The following REEP3 variants were observed in gnomAD, a reference collection of about 807,000 sequenced individuals.
REEP3 encodes receptor expression-enhancing protein 3.
Under a neutral mutation model 41.3 loss-of-function variants are expected in REEP3, and 20 were observed. The observed-to-expected ratio is 0.48, with a 90% CI of 0.34 to 0.70. REEP3 has a LOEUF of 0.70. REEP3 is among the 30% of genes least tolerant of loss of function. The pLI is 0.01. For missense variants in REEP3, 271 were observed against 308.8 expected (o/e 0.88, Z 0.92); for synonymous variants, 104 against 101.8 (o/e 1.02, Z -0.13).
intron 1 of REEP3, among the ~76,000 whole-genome samples, chr10:63,538,141 A>G (rs1248870479): frequency 6.6e-6 from 1 of 152,174 alleles, no homozygotes; most frequent in Non-Finnish European, 1.5e-5. Flanking sequence ...GAAATGTAGA[A>G]TAATATTCTT....
Position 63,619,747 on chromosome 10 carries a change from C to G in REEP3, c.658C>G (p.Leu220Val). The change falls in exon 7 of 8, where the codon CTT becomes GTT. Residue 220 changes from leucine (L) to valine (V), a missense_variant. By Grantham distance (32) the Leu-to-Val change is conservative. Coordinates refer to ENST00000373758, the MANE Select transcript of REEP3 (RefSeq NM_001001330.3). The stretch of plus-strand genomic sequence containing the variant: ...TAATGAGATGTTAACACACAAAGGG[C>G]TTCGAAGATCGCAAAGCATGAAATC... The part of the protein sequence containing the change: ...SDNEMLTHKG[L>V]RRSQSMKSVK... The G allele has an allele frequency of 6.2e-7, 1 of 1,609,546 alleles. No homozygotes were observed.
intron 2 of REEP3, among the ~76,000 whole-genome samples, chr10:63,592,672 T>C (rs1480630084): frequency 2.7e-5 from 4 of 146,986 alleles, no homozygotes; most frequent in Non-Finnish European, 6.0e-5. Context: ...AGGCAGATTG[T>C]CTGAGGTCAG....
intron 2 of REEP3, among the ~76,000 whole-genome samples, chr10:63,583,092 TCTC>T (rs1302492539): frequency 2.6e-5 from 4 of 152,134 alleles, no homozygotes; most frequent in Non-Finnish European, 5.9e-5. Context: ...TTCACGCCAT[TCTC>T]CTGCCTCAGC....
chr10:63,547,953 G>T (rs1955593640), intron 1 of REEP3, among the ~76,000 whole-genome samples: 2 of 152,166 alleles, frequency 1.3e-5, no homozygotes, highest in African/African-American at 4.8e-5. Context: ...TCTGTACAAA[G>T]AATGCCTATT....
chr10:63,582,460 G>T (rs1207869441), intron 2 of REEP3, among the ~76,000 whole-genome samples: 1 of 152,148 alleles, frequency 6.6e-6, no homozygotes, highest in East Asian at 1.9e-4. Context: ...GTGGCACTCA[G>T]GCAACCCTTC....
intron 2 of REEP3, among the ~76,000 whole-genome samples, chr10:63,584,430 TAAAAAA>T (rs71463528): frequency 2.3e-5 from 3 of 129,230 alleles, no homozygotes; most frequent in East Asian, 2.2e-4. Context: ...CCCATCTTTT[TAAAAAA>T]AAAAAAAAAA....
At chr10:63,555,522 TAC>T (rs1229407780) in intron 1 of REEP3, among the ~76,000 whole-genome samples, 1 of 152,188 alleles carries the variant, frequency 6.6e-6, no homozygotes, top group Non-Finnish European at 1.5e-5. Flanking sequence ...TATACACAGG[TAC>T]CTTGGTTATC....
At position 63,521,586 on chromosome 10, in the gene REEP3, C is replaced by A. The variant is rs1430099096; in HGVS notation, c.32+9C>A. The A allele has an allele frequency of 1.4e-6, 2 of 1,416,440 alleles. No homozygotes were observed. Among genetic ancestry groups the A allele is most frequent in the Admixed American group, 2.6e-5 (1 of 38,920 alleles). 87.7% of individuals were successfully genotyped at this position (1,416,440 alleles called of 1,614,324 possible). ...ATCTCCAGAGCCGTGGTGTAAGTGC[C>A]TCTCACTGCGCCCTGCAGCCGGCGC... On this transcript the variant is annotated intron_variant, in intron 1 of 7. Coordinates refer to ENST00000373758, the MANE Select transcript of REEP3 (RefSeq NM_001001330.3).
intron 6 of REEP3, among the ~76,000 whole-genome samples, chr10:63,610,796 C>T (rs1049489850): frequency 2.6e-5 from 4 of 152,252 alleles, no homozygotes; most frequent in African/African-American, 9.6e-5. Flanking sequence ...TCAGGCTGGG[C>T]ACAGTGGCTC....
At chr10:63,575,586 C>T (rs1402970513) in intron 2 of REEP3, among the ~76,000 whole-genome samples, 1 of 151,914 alleles carries the variant, frequency 6.6e-6, no homozygotes, top group East Asian at 1.9e-4. Flanking sequence ...TTTCCCTTCT[C>T]TTTCCCATCT....
chr10:63,546,241 A>G (rs1212884452), intron 1 of REEP3, among the ~76,000 whole-genome samples: 3 of 152,190 alleles, frequency 2.0e-5, no homozygotes, highest in Admixed American at 2.0e-4. Context: ...GTATCGAAGC[A>G]AAGATGGAAG....
chr10:63,581,158 A>G (rs1955950512), intron 2 of REEP3, among the ~76,000 whole-genome samples: 2 of 152,192 alleles, frequency 1.3e-5, no homozygotes, highest in Non-Finnish European at 2.9e-5. Flanking sequence ...CATGTACATC[A>G]TCTTTCCATT....
At chr10:63,536,942 A>G (rs777869788) in intron 1 of REEP3, among the ~76,000 whole-genome samples, 12 of 152,206 alleles carry the variant, frequency 7.9e-5, no homozygotes, top group Non-Finnish European at 1.5e-4. Context: ...TTGGAAAACA[A>G]TTTGGCCCTA....
chr10:63,619,548 C>A, intron 6 of REEP3, 107 bp from the exon 7 acceptor site: 1 of 916,780 alleles, frequency 1.1e-6, no homozygotes, highest in South Asian at 1.9e-5. Flanking sequence ...AAAAGAGTAA[C>A]TGGGGGAAAT....
At chr10:63,567,584 C>T (rs1195807626) in intron 2 of REEP3, among the ~76,000 whole-genome samples, 2 of 152,120 alleles carry the variant, frequency 1.3e-5, no homozygotes, top group Non-Finnish European at 2.9e-5. Flanking sequence ...CTTATCCATT[C>T]ATCTGTTGAC....
At chr10:63,548,839 A>G (rs560221323) in intron 1 of REEP3, among the ~76,000 whole-genome samples, 8 of 152,250 alleles carry the variant, frequency 5.3e-5, no homozygotes, top group South Asian at 2.1e-4. Context: ...ATCAAATACT[A>G]CTTGATAACA....
At chr10:63,532,946 T>C (rs1955437644) in intron 1 of REEP3, among the ~76,000 whole-genome samples, 1 of 152,186 alleles carries the variant, frequency 6.6e-6, no homozygotes, top group African/African-American at 2.4e-5. Flanking sequence ...AAACTAACTG[T>C]CTTAGAGTCA....
At chr10:63,554,664 C>A (rs983068187) in intron 1 of REEP3, among the ~76,000 whole-genome samples, 5 of 152,182 alleles carry the variant, frequency 3.3e-5, no homozygotes, top group African/African-American at 4.8e-5. Flanking sequence ...ATAGCACCTA[C>A]CTCGCCTATG....
intron 1 of REEP3, among the ~76,000 whole-genome samples, chr10:63,535,174 C>A (rs982496797): frequency 6.6e-6 from 1 of 151,434 alleles, no homozygotes; most frequent in Admixed American, 6.6e-5. Context: ...TACAGAAGGC[C>A]AAAATAAAGG....
Sources: gnomAD v4.1 joint callset for allele counts (sites outside exome capture counted in the v4.1 genomes callset) on GRCh38, gnomAD v4.1.1 for gene constraint, MANE v1.5 for transcripts, NCBI Gene and HGNC (gene_info 2026-07-23, HGNC 2026-07-21) for gene names.